Variants in OXCT1 observed in about 807,000 individuals in gnomAD.
The protein encoded by OXCT1 is succinyl-CoA:3-ketoacid coenzyme A transferase 1, mitochondrial.
A neutral mutation model predicts 69.6 loss-of-function variants in OXCT1; 27 were observed. The ratio of observed to expected loss-of-function variants is 0.39; its 90% CI spans 0.29 to 0.54. The LOEUF (loss-of-function observed/expected upper bound fraction) is 0.54, where lower values mean the gene tolerates loss of function less well. OXCT1 is among the 20% of genes least tolerant of loss of function. OXCT1 has a pLI of 0.72. For missense variants in OXCT1, 437 were observed against 650.2 expected, an observed-to-expected ratio of 0.67 and a Z score of 3.57; for synonymous variants, 202 against 217.8, an observed-to-expected ratio of 0.93 and a Z score of 0.64.
rs1353995849 is a variant in OXCT1, at chr5:41,731,282, GAA to G, written c.*445_*446del. 4.5e-6 allele frequency: 3 copies of G among 672,692 alleles called. No individual in the cohort carries two copies. Among genetic ancestry groups the G allele is most frequent in the Non-Finnish European group, 5.6e-6 (3 of 539,102 alleles). 41.7% of individuals were successfully genotyped at this position (672,692 alleles called of 1,614,324 possible). ...AATCATAAAATCTGAAGCCCCAAAA[GAA>G]AAGTCAGAGGAGGCTGAAGAAAAAA... On this transcript the variant is annotated 3_prime_UTR_variant, in exon 17 of 17. Transcript: ENST00000196371.
intron 15 of OXCT1, among the ~76,000 whole-genome samples, chr5:41,743,704 C>A (rs1049673428): frequency 1.3e-5 from 2 of 152,134 alleles, no homozygotes; most frequent in African/African-American, 4.8e-5. Flanking sequence ...ATATGGCTAG[C>A]CAGTTTTCCC....
intron 15 of OXCT1, among the ~76,000 whole-genome samples, chr5:41,740,766 G>A (rs1743122297): frequency 6.6e-6 from 1 of 152,098 alleles, no homozygotes; most frequent in South Asian, 2.1e-4. Context: ...AACCTTAAGA[G>A]CTAAAACTGC....
At chr5:41,779,861 C>T (rs1396817669) in intron 13 of OXCT1, among the ~76,000 whole-genome samples, 2 of 151,912 alleles carry the variant, frequency 1.3e-5, no homozygotes, top group African/African-American at 2.4e-5. Context: ...ACTGAAATTA[C>T]AAGCTACCCA....
intron 7 of OXCT1, among the ~76,000 whole-genome samples, chr5:41,826,299 A>C (rs991864948): frequency 6.6e-6 from 1 of 152,160 alleles, no homozygotes; most frequent in African/African-American, 2.4e-5. Context: ...TGGAATTTTT[A>C]TTTTCTCAGA....
At chr5:41,778,305 G>A (rs1745223694) in intron 13 of OXCT1, among the ~76,000 whole-genome samples, 1 of 152,118 alleles carries the variant, frequency 6.6e-6, no homozygotes, top group Admixed American at 6.5e-5. Flanking sequence ...ATAGTAATAT[G>A]GGTAGTGTTG....
At chr5:41,841,114 G>A (rs1004152486) in intron 6 of OXCT1, among the ~76,000 whole-genome samples, 7 of 152,158 alleles carry the variant, frequency 4.6e-5, no homozygotes, top group Non-Finnish European at 7.3e-5. Flanking sequence ...TTTCTAGCAG[G>A]TGCCAATTTT....
At chr5:41,807,728 G>A (rs1746756558) in intron 7 of OXCT1, among the ~76,000 whole-genome samples, 1 of 151,998 alleles carries the variant, frequency 6.6e-6, no homozygotes, top group Admixed American at 6.6e-5. Context: ...TTTGTCAAAT[G>A]GTTTGTCAGT....
intron 7 of OXCT1, among the ~76,000 whole-genome samples, chr5:41,833,892 C>A (rs1374852701): frequency 6.6e-6 from 1 of 151,888 alleles, no homozygotes; most frequent in Non-Finnish European, 1.5e-5. Context: ...GAAACCCTGT[C>A]TCTACTAAAA....
In OXCT1 at chr5:41,731,395, C is replaced by T. The variant is rs1742613674; in HGVS notation, c.*334G>A. 1 of 1,052,624 alleles carries T rather than the reference C, an allele frequency of 9.5e-7. No homozygotes were observed. The highest frequency in any genetic ancestry group is 4.9e-5 in the Admixed American group (1 of 20,488). 65.2% of individuals were successfully genotyped at this position (1,052,624 alleles called of 1,614,324 possible). On this transcript the variant is annotated 3_prime_UTR_variant, in exon 17 of 17. Transcript: ENST00000196371. ...TAATAATTAATATTTAAGAGGAAAG[C>T]CACATCAATTTCTAGGGCCCTTCTT...
intron 7 of OXCT1, among the ~76,000 whole-genome samples, chr5:41,827,865 G>A (rs1747885767): frequency 6.6e-6 from 1 of 152,146 alleles, no homozygotes; most frequent in Admixed American, 6.5e-5. Context: ...CATCCTCAAA[G>A]TCTCTCCAAC....
At chr5:41,801,105 A>C in intron 10 of OXCT1, 35 bp from the exon 11 acceptor site, 2 of 1,490,838 alleles carry the variant, frequency 1.3e-6, no homozygotes, top group Non-Finnish European at 1.9e-6. Context: ...TTAGTAAATG[A>C]AGATTCTCAC....
At chr5:41,737,998 T>C (rs1742973249) in intron 16 of OXCT1, among the ~76,000 whole-genome samples, 1 of 151,896 alleles carries the variant, frequency 6.6e-6, no homozygotes, top group African/African-American at 2.4e-5. Flanking sequence ...GAGCTTGCAA[T>C]GAGCCAAGAT....
chr5:41,753,249 G>A (rs1460266688), intron 14 of OXCT1, among the ~76,000 whole-genome samples: 2 of 151,458 alleles, frequency 1.3e-5, no homozygotes, highest in Non-Finnish European at 2.9e-5. Flanking sequence ...TCTGTTAAGT[G>A]CTTGTTAAAT....
chr5:41,832,754 G>A (rs1285023955), intron 7 of OXCT1, among the ~76,000 whole-genome samples: 2 of 152,024 alleles, frequency 1.3e-5, no homozygotes, highest in African/African-American at 4.8e-5. Flanking sequence ...GAAACACGAA[G>A]AAATCCAAGA....
intron 13 of OXCT1, among the ~76,000 whole-genome samples, chr5:41,769,132 T>C (rs1744758796): frequency 6.6e-6 from 1 of 152,206 alleles, no homozygotes; most frequent in Non-Finnish European, 1.5e-5. Flanking sequence ...TCTCACAGCA[T>C]ACTTGCATAT....
intron 14 of OXCT1, among the ~76,000 whole-genome samples, chr5:41,758,865 C>T (rs1249981146): frequency 6.6e-6 from 1 of 151,932 alleles, no homozygotes. Context: ...TCCCACTGAC[C>T]CAAACTTGGT....
At chr5:41,768,643 A>G (rs1339677448) in intron 13 of OXCT1, among the ~76,000 whole-genome samples, 1 of 151,928 alleles carries the variant, frequency 6.6e-6, no homozygotes, top group Non-Finnish European at 1.5e-5. Context: ...TAAGAACTCC[A>G]CTTCTCCCAA....
Position 41,731,622 on chromosome 5 carries a change from AT to A in OXCT1, c.*106del, listed in dbSNP as rs1171295490. ...TAAAGTCTGAAACACAAGAAAACTAATAAAAAACCACCTGTTAAATACACAA... is the reference window on the plus strand; with the variant it reads ...TAAAGTCTGAAACACAAGAAAACTAAAAAAAACCACCTGTTAAATACACAA... On this transcript the variant is annotated 3_prime_UTR_variant, in exon 17 of 17. Coordinates refer to ENST00000196371, the MANE Select transcript of OXCT1 (RefSeq NM_000436.4). 6.8e-7 allele frequency: 1 copy of A among 1,475,146 alleles called. No individual in the cohort carries two copies. Among genetic ancestry groups the A allele is most frequent in the Non-Finnish European group, 9.2e-7 (1 of 1,083,532 alleles). The allele number at this position is 1,475,146 out of a possible 1,614,324, so 91.4% of individuals were successfully genotyped here. A position where few individuals can be genotyped will look rare whatever the true frequency, so the allele number is the denominator to read the frequency against.
chr5:41,789,216 A>T (rs1253118042), intron 13 of OXCT1, among the ~76,000 whole-genome samples: 1 of 152,224 alleles, frequency 6.6e-6, no homozygotes, highest in Non-Finnish European at 1.5e-5. Flanking sequence ...CACAGTTTCT[A>T]TCCTAACTAT....
Sources: gnomAD v4.1 joint callset for allele counts (sites outside exome capture counted in the v4.1 genomes callset) on GRCh38, gnomAD v4.1.1 for gene constraint, MANE v1.5 for transcripts, NCBI Gene and HGNC (gene_info 2026-07-23, HGNC 2026-07-21) for gene names.